The following PTDSS1 variants were observed in gnomAD, a reference collection of about 807,000 sequenced individuals.
The protein encoded by PTDSS1 is PSS-1.
A neutral mutation model predicts 70.5 loss-of-function variants in PTDSS1; 45 were observed. The observed-to-expected ratio is 0.64, with a 90% CI of 0.50 to 0.82. PTDSS1 has a LOEUF of 0.82. PTDSS1 is among the 40% of genes least tolerant of loss of function. PTDSS1 has a pLI of 0.00. For synonymous variants in PTDSS1, 188 were observed against 203.8 expected, an observed-to-expected ratio of 0.92 and a Z score of 0.66; for missense variants, 417 against 586.1, an observed-to-expected ratio of 0.71 and a Z score of 2.98.
intron 9 of PTDSS1, among the ~76,000 whole-genome samples, chr8:96,314,818 G>C (rs550911973): frequency 6.6e-6 from 1 of 152,142 alleles, no homozygotes; most frequent in South Asian, 2.1e-4. Flanking sequence ...GGATGGTCTC[G>C]ATCTCCTGAC....
chr8:96,288,524 C>T (rs1810856153), intron 4 of PTDSS1, among the ~76,000 whole-genome samples: 1 of 151,892 alleles, frequency 6.6e-6, no homozygotes, highest in Admixed American at 6.6e-5. Flanking sequence ...GGTGGTCTCA[C>T]CACGTTGGCC....
intron 6 of PTDSS1, among the ~76,000 whole-genome samples, chr8:96,300,126 C>T (rs571104779): frequency 5.3e-5 from 8 of 152,190 alleles, no homozygotes; most frequent in East Asian, 1.9e-4. Context: ...TTTTTTATCC[C>T]GACTGCCTCA....
chr8:96,318,870 G>A (rs1811332264), intron 9 of PTDSS1, among the ~76,000 whole-genome samples: 1 of 150,070 alleles, frequency 6.7e-6, no homozygotes, highest in African/African-American at 2.4e-5. Context: ...CAGTAAGCAG[G>A]GGTACCAAGG....
intron 5 of PTDSS1, among the ~76,000 whole-genome samples, chr8:96,295,699 T>C (rs1377264736): frequency 1.3e-5 from 2 of 152,236 alleles, no homozygotes; most frequent in African/African-American, 2.4e-5. Context: ...TTAGCTCTAA[T>C]ATGTCAGTAA....
At chr8:96,286,486 C>T (rs1411185638) in intron 3 of PTDSS1, among the ~76,000 whole-genome samples, 1 of 152,204 alleles carries the variant, frequency 6.6e-6, no homozygotes, top group East Asian at 1.9e-4. Context: ...GTACTGTCCA[C>T]ACCCAGCCTT....
At position 96,262,277 on chromosome 8, in the gene PTDSS1, G is replaced by T; in HGVS notation, c.179+58G>T. 5.8e-6 allele frequency: 7 copies of T among 1,202,082 alleles called. No individual in the cohort carries two copies. The highest frequency in any genetic ancestry group is 5.9e-6 in the Non-Finnish European group (5 of 840,742). The allele number at this position is 1,202,082 out of a possible 1,614,324, so 74.5% of individuals were successfully genotyped here. On this transcript the variant is annotated intron_variant, in intron 1 of 12. Coordinates refer to ENST00000517309, the MANE Select transcript of PTDSS1 (RefSeq NM_014754.3). The surrounding 1 kb of genome is among the most constrained non-coding windows in gnomAD (Gnocchi z 4.4). The stretch of plus-strand genomic sequence containing the variant: ...CAAGGGCTAGGGAAGAGGCGGGAGG[G>T]AGGGTGGCGGGGAGGGGGGCCCGGC...
At chr8:96,316,128 C>A (rs1312248430) in intron 9 of PTDSS1, among the ~76,000 whole-genome samples, 1 of 152,124 alleles carries the variant, frequency 6.6e-6, no homozygotes, top group East Asian at 1.9e-4. Context: ...GTTAAAGGAG[C>A]CCATGTGATC....
chr8:96,332,062 GGAGGAAAAGCCTTTCAAAA>G (rs1445986577), intron 12 of PTDSS1, among the ~76,000 whole-genome samples: 5 of 149,574 alleles, frequency 3.3e-5, no homozygotes, highest in Non-Finnish European at 5.9e-5. Context: ...CTGTGTATCA[GGAGGAAAAGCCTTTCAAAA>G]GAGGGGGATC....
At position 96,330,286 on chromosome 8, in the gene PTDSS1, G is replaced by T; in HGVS notation, c.1242+5G>T. 1 of 1,606,192 alleles carries T rather than the reference G, an allele frequency of 6.2e-7. No homozygotes were observed. The highest frequency in any genetic ancestry group is 1.1e-5 in the South Asian group (1 of 90,926). ...CACTATGGTCACCGAGAAAAGGTAT[G>T]GAAGGAGAGGCAGGCATGGCCATTG... On this transcript the variant is annotated splice_donor_5th_base_variant and intron_variant, in intron 11 of 12. Transcript: ENST00000517309.
At chr8:96,265,210 A>G (rs904181619) in intron 1 of PTDSS1, among the ~76,000 whole-genome samples, 1 of 152,240 alleles carries the variant, frequency 6.6e-6, no homozygotes, top group African/African-American at 2.4e-5. Context: ...AACTTAAAAG[A>G]TATGTCTTAA....
chr8:96,267,670 T>C lies in PTDSS1; in HGVS notation c.179+5451T>C, dbSNP rs181625891. On this transcript the variant is annotated intron_variant, in intron 1 of 12. Coordinates refer to ENST00000517309, the MANE Select transcript of PTDSS1 (RefSeq NM_014754.3). ...GTATGAAAGATAACACCAAAGCTGG[T>C]TGACATCGGTATTTCAGTAGATGCC... Among the ~76,000 whole-genome samples the C allele has an allele frequency of 5.3e-5, 8 of 152,336 alleles. No homozygotes were observed. The East Asian group carries it at 1.5e-3, about 29-fold the overall frequency.
chr8:96,278,393 T>C (rs1050113836), intron 2 of PTDSS1, among the ~76,000 whole-genome samples: 1 of 152,166 alleles, frequency 6.6e-6, no homozygotes, highest in Non-Finnish European at 1.5e-5. Context: ...CAAAATTTTG[T>C]GTGACAATCA....
At chr8:96,316,943 G>A (rs1356207590) in intron 9 of PTDSS1, among the ~76,000 whole-genome samples, 2 of 152,024 alleles carry the variant, frequency 1.3e-5, no homozygotes, top group Admixed American at 6.6e-5. Context: ...GCAGTGAGCT[G>A]AGATTGCACC....
Position 96,335,590 on chromosome 8 carries a change from C to T in PTDSS1, c.*2024C>T, listed in dbSNP as rs1271907497. On this transcript the variant is annotated 3_prime_UTR_variant, in exon 13 of 13. Coordinates refer to ENST00000517309, the MANE Select transcript of PTDSS1 (RefSeq NM_014754.3). ...GTGGCATTGTGAAGAGCAGGGTGCA[C>T]AGGAGATGATTTTTTCTCCATGGCT... 1 of 152,218 alleles carries T rather than the reference C, an allele frequency of 6.6e-6. No individual in the cohort carries two copies. The highest frequency in any genetic ancestry group is 1.5e-5 in the Non-Finnish European group (1 of 68,036). The allele number at this position is 152,218 out of a possible 1,614,324, so 9.4% of individuals were successfully genotyped here.
chr8:96,311,109 G>T (rs1436605120), intron 9 of PTDSS1, among the ~76,000 whole-genome samples: 1 of 152,190 alleles, frequency 6.6e-6, no homozygotes, highest in Non-Finnish European at 1.5e-5. Flanking sequence ...ATGAGAAAGA[G>T]ACCTTAGGTT....
At position 96,274,468 on chromosome 8, in the gene PTDSS1, G is replaced by A. The variant is rs186025542; in HGVS notation, c.271+1078G>A. ...CAGCCGGGTGCGGCGGCTCATGCCT[G>A]TAATCCCAGCACTTTGGGAAGCCGA... On this transcript the variant is annotated intron_variant, in intron 2 of 12. Transcript: ENST00000517309. Among the ~76,000 whole-genome samples, 166 of 152,298 alleles carry A rather than the reference G, an allele frequency of 1.1e-3. 3 individuals carry two copies. In the East Asian group the frequency reaches 0.026, roughly 24 times the overall value.
intron 1 of PTDSS1, among the ~76,000 whole-genome samples, chr8:96,264,578 T>C (rs1158691100): frequency 6.6e-6 from 1 of 152,142 alleles, no homozygotes; most frequent in Non-Finnish European, 1.5e-5. Context: ...CTCTGGAAAT[T>C]AGAAAAATAA....
rs763343021 is a variant in PTDSS1 at position 96,333,752 on chromosome 8, A to G, written c.*186A>G. 2.8e-6 allele frequency: 2 copies of G among 722,976 alleles called. No individual in the cohort carries two copies. The highest frequency in any genetic ancestry group is 2.9e-5 in the South Asian group (2 of 67,836). 44.8% of individuals were successfully genotyped at this position (722,976 alleles called of 1,614,324 possible). A position where few individuals can be genotyped will look rare whatever the true frequency, so the allele number is the denominator to read the frequency against. The stretch of plus-strand genomic sequence containing the variant: ...CAGACCTGGCCGCGTCAGGCAGATC[A>G]TCGCCTGGGGGGCCTTTGCCAACGT... On this transcript the variant is annotated 3_prime_UTR_variant, in exon 13 of 13. Coordinates refer to ENST00000517309, the MANE Select transcript of PTDSS1 (RefSeq NM_014754.3).
At chr8:96,305,631 C>T (rs567217505) in intron 7 of PTDSS1, among the ~76,000 whole-genome samples, 19 of 152,272 alleles carry the variant, frequency 1.2e-4, no homozygotes, top group Admixed American at 1.2e-3. Flanking sequence ...CTGTCCCAGG[C>T]GTGTGCTGCA....
Sources: gnomAD v4.1 joint callset for allele counts (sites outside exome capture counted in the v4.1 genomes callset) on GRCh38, gnomAD v4.1.1 for gene constraint, Gnocchi (gnomAD v3.1) non-coding constraint, MANE v1.5 for transcripts, NCBI Gene and HGNC (gene_info 2026-07-23, HGNC 2026-07-21) for gene names.